CSMD1: variants seen among roughly 807,000 people sequenced by gnomAD.
CSMD1 encodes the protein CUB and Sushi multiple domains 1.
CSMD1 carries 213 observed loss-of-function variants against 417.5 expected under a neutral mutation model. That is an observed-to-expected ratio of 0.51 (90% confidence interval 0.46 to 0.57). The LOEUF is 0.57. Among genes scored for constraint, CSMD1 ranks in the 20% least tolerant of loss-of-function variants. CSMD1 has a pLI of 0.00. For missense variants in CSMD1, 6,923 were observed against 4,529.7 expected (o/e 1.53, Z -15.17); for synonymous variants, 2,862 against 1,736.8 (o/e 1.65, Z -16.11).
intron 5 of CSMD1, among the ~76,000 whole-genome samples, chr8:3,833,312 T>C (rs1379029227): frequency 1.3e-5 from 2 of 152,162 alleles, no homozygotes; most frequent in African/African-American, 4.8e-5. Context: ...TTCAGATTTC[T>C]ATTCGGAAAA....
intron 11 of CSMD1, among the ~76,000 whole-genome samples, chr8:3,479,703 A>T (rs554136465): frequency 3.9e-5 from 6 of 152,336 alleles, no homozygotes; most frequent in African/African-American, 1.4e-4. Flanking sequence ...CACACAAAAG[A>T]GCTGGGACAC....
chr8:3,443,274 A>G (rs1365171984), intron 12 of CSMD1, among the ~76,000 whole-genome samples: 1 of 152,190 alleles, frequency 6.6e-6, no homozygotes, highest in African/African-American at 2.4e-5. Flanking sequence ...TGGAAGACTG[A>G]TTGAATAAAC....
chr8:4,095,948 C>G (rs1800984219), intron 3 of CSMD1, among the ~76,000 whole-genome samples: 3 of 152,248 alleles, frequency 2.0e-5, no homozygotes, highest in Admixed American at 2.0e-4. Context: ...TAAAAAGATT[C>G]ATGCCTAAAA....
chr8:4,214,101 A>C (rs980525190), intron 3 of CSMD1, among the ~76,000 whole-genome samples: 1 of 151,920 alleles, frequency 6.6e-6, no homozygotes, highest in Non-Finnish European at 1.5e-5. Context: ...TACTCCCTCA[A>C]TTTCATTCCA....
intron 3 of CSMD1, among the ~76,000 whole-genome samples, chr8:4,033,130 GAAAAA>G (rs58668077): frequency 0.014 from 1,096 of 80,654 alleles, 21 homozygotes; most frequent in African/African-American, 0.052. Context: ...TTTCCAATAT[GAAAAA>G]AAAAAAAAAA....
intron 25 of CSMD1, among the ~76,000 whole-genome samples, chr8:3,297,934 A>G (rs997342099): frequency 6.6e-6 from 1 of 152,220 alleles, no homozygotes; most frequent in African/African-American, 2.4e-5. Context: ...AAAATGGGCA[A>G]AAGGCTTCAA....
intron 1 of CSMD1, among the ~76,000 whole-genome samples, chr8:4,899,996 G>A (rs1185367610): frequency 1.3e-5 from 2 of 152,156 alleles, no homozygotes; most frequent in African/African-American, 2.4e-5. Flanking sequence ...TAAGTAGGAT[G>A]TCTGTTGCTT....
At chr8:3,936,262 T>C (rs1307333282) in intron 5 of CSMD1, among the ~76,000 whole-genome samples, 1 of 151,510 alleles carries the variant, frequency 6.6e-6, no homozygotes, top group Admixed American at 6.6e-5. Context: ...CTACAGCAAG[T>C]TATCCAGAAG....
At chr8:3,850,766 CA>C (rs574551837) in intron 5 of CSMD1, among the ~76,000 whole-genome samples, 126 of 152,098 alleles carry the variant, frequency 8.3e-4, no homozygotes, top group African/African-American at 2.9e-3. Context: ...ATACACATCA[CA>C]GGGGTGTGCC....
intron 3 of CSMD1, among the ~76,000 whole-genome samples, chr8:4,043,234 A>C (rs112471133): frequency 2.0e-5 from 3 of 152,250 alleles, no homozygotes; most frequent in East Asian, 1.9e-4. Context: ...AGCAAAGACA[A>C]ATGTTACAGC....
At chr8:3,874,320 T>A (rs1342891335) in intron 5 of CSMD1, among the ~76,000 whole-genome samples, 4 of 152,212 alleles carry the variant, frequency 2.6e-5, no homozygotes, top group South Asian at 4.1e-4. Flanking sequence ...ACAGGCTGCG[T>A]AACTCTTATC....
At chr8:4,065,020 T>TA (rs1342602523) in intron 3 of CSMD1, among the ~76,000 whole-genome samples, 23 of 152,188 alleles carry the variant, frequency 1.5e-4, no homozygotes, top group East Asian at 7.7e-4. Context: ...TGTTCATTTT[T>TA]AAAAAAAATC....
At position 3,685,341 on chromosome 8, in the gene CSMD1, A is replaced by T. The variant is rs1013266183; in HGVS notation, c.1009+23073T>A. Among the ~76,000 whole-genome samples, 5 of 152,214 alleles carry T rather than the reference A, an allele frequency of 3.3e-5. No individual in the cohort carries two copies. The South Asian group carries it at 1.0e-3, about 32-fold the overall frequency. On this transcript the variant is annotated intron_variant, in intron 7 of 69. Transcript: ENST00000635120. ...CCCTGTAAAAATTTTTTGAATCTTC[A>T]TTACACATCATCAAACTGTTACCTA...
intron 5 of CSMD1, among the ~76,000 whole-genome samples, chr8:3,757,877 C>G (rs1022717939): frequency 6.7e-6 from 1 of 149,744 alleles, no homozygotes; most frequent in African/African-American, 2.5e-5. Context: ...ACAAAAAAAA[C>G]CAACAACAAA....
chr8:4,014,661 G>A (rs1030386207), intron 4 of CSMD1, among the ~76,000 whole-genome samples: 1 of 152,188 alleles, frequency 6.6e-6, no homozygotes. Context: ...CAAGAAAAGA[G>A]CTCGTCTGAG....
chr8:4,451,449 C>G (rs550782456), intron 2 of CSMD1, among the ~76,000 whole-genome samples: 2 of 152,264 alleles, frequency 1.3e-5, no homozygotes, highest in East Asian at 3.9e-4. Flanking sequence ...AAAAGCTTAT[C>G]ACTCTCATCA....
At chr8:4,049,335 G>T (rs1021646244) in intron 3 of CSMD1, among the ~76,000 whole-genome samples, 4 of 151,764 alleles carry the variant, frequency 2.6e-5, no homozygotes, top group African/African-American at 9.7e-5. Flanking sequence ...TCTACTAGAT[G>T]CCATAGCACT....
At chr8:3,168,954 T>A (rs1225057439) in intron 37 of CSMD1, among the ~76,000 whole-genome samples, 1 of 152,114 alleles carries the variant, frequency 6.6e-6, no homozygotes, top group Non-Finnish European at 1.5e-5. Context: ...TCACAAATTA[T>A]ATTAGCATTT....
At position 4,343,339 on chromosome 8, in the gene CSMD1, G is replaced by A. The variant is rs116484686; in HGVS notation, c.415+76614C>T. Among the ~76,000 whole-genome samples the A allele has an allele frequency of 3.0e-3, 450 of 152,060 alleles. 1 individual carries two copies. Among genetic ancestry groups the A allele is most frequent in the African/African-American group, 9.8e-3 (408 of 41,496 alleles). ...TTTAGTAAGAGAATGAATACATTCCGGAGATCTAATATAGAACAGTGTGAC... is the reference window on the plus strand; with the variant it reads ...TTTAGTAAGAGAATGAATACATTCCAGAGATCTAATATAGAACAGTGTGAC... On this transcript the variant is annotated intron_variant, in intron 3 of 69. Transcript: ENST00000635120.
Sources: allele counts gnomAD v4.1 joint callset (sites outside exome capture counted in the v4.1 genomes callset), GRCh38; gene constraint gnomAD v4.1.1; transcripts MANE v1.5; gene names NCBI Gene and HGNC (gene_info 2026-07-23, HGNC 2026-07-21).